The following EPHA4 variants were observed in gnomAD, a reference collection of about 807,000 sequenced individuals.
EPHA4 encodes the protein EPH receptor A4.
In EPHA4, 19 loss-of-function variants were observed where a neutral mutation model predicts 108.3. The ratio of observed to expected loss-of-function variants is 0.18; its 90% CI spans 0.12 to 0.26. The LOEUF is 0.26. EPHA4 is among the 10% of genes least tolerant of loss of function. The probability of loss-of-function intolerance (pLI) is 1.00; values close to 1 mark genes in which losing one functional copy is unlikely to be tolerated. For synonymous variants in EPHA4, 449 were observed against 455.5 expected, an observed-to-expected ratio of 0.99 and a Z score of 0.18; for missense variants, 917 against 1,254.0, an observed-to-expected ratio of 0.73 and a Z score of 4.06.
chr2:221,496,893 G>A (rs1369067959), intron 4 of EPHA4, among the ~76,000 whole-genome samples: 1 of 151,930 alleles, frequency 6.6e-6, no homozygotes, highest in Non-Finnish European at 1.5e-5. Context: ...AGGGTGACAA[G>A]AGCAAAACTC....
chr2:221,509,738 A>T (rs1225975947), intron 3 of EPHA4, among the ~76,000 whole-genome samples: 16 of 152,382 alleles, frequency 1.0e-4, no homozygotes, highest in African/African-American at 3.6e-4. Flanking sequence ...ATGTAAGTAA[A>T]GAATGACAAA....
chr2:221,433,204 C>CA (rs1251402858), intron 14 of EPHA4, among the ~76,000 whole-genome samples: 3 of 152,162 alleles, frequency 2.0e-5, no homozygotes, highest in Non-Finnish European at 4.4e-5. Flanking sequence ...CAAGGCTGTG[C>CA]AACTGCCTGT....
chr2:221,528,434 T>A (rs1693409483), intron 3 of EPHA4, among the ~76,000 whole-genome samples: 1 of 152,232 alleles, frequency 6.6e-6, no homozygotes, highest in African/African-American at 2.4e-5. Context: ...TCTCTGCTCA[T>A]GGACATAAGA....
At chr2:221,439,546 G>A (rs1690351760) in intron 11 of EPHA4, among the ~76,000 whole-genome samples, 1 of 151,182 alleles carries the variant, frequency 6.6e-6, no homozygotes, top group African/African-American at 2.4e-5. Context: ...AGAGTACAGT[G>A]ACATGATCAT....
intron 3 of EPHA4, among the ~76,000 whole-genome samples, chr2:221,538,996 C>A (rs900071730): frequency 3.3e-5 from 5 of 151,996 alleles, no homozygotes; most frequent in Non-Finnish European, 7.4e-5. Flanking sequence ...TACAGAACTG[C>A]CATATATAGT....
chr2:221,418,737 C>T lies in EPHA4; in HGVS notation c.*2635G>A, dbSNP rs563174364. On this transcript the variant is annotated 3_prime_UTR_variant, in exon 18 of 18. Transcript: ENST00000281821. ...TTTCCCACTGCTCTAGAGATCGGCACATGAGTTAGCATTGGAGCTCACTCG... is the reference window on the plus strand; with the variant it reads ...TTTCCCACTGCTCTAGAGATCGGCATATGAGTTAGCATTGGAGCTCACTCG... The T allele has an allele frequency of 3.9e-5, 6 of 152,382 alleles. No homozygotes were observed. The highest frequency in any genetic ancestry group is 8.8e-5 in the Non-Finnish European group (6 of 68,046). 9.4% of individuals were successfully genotyped at this position (152,382 alleles called of 1,614,324 possible).
intron 8 of EPHA4, among the ~76,000 whole-genome samples, chr2:221,449,507 A>G (rs1302138883): frequency 6.6e-6 from 1 of 152,236 alleles, no homozygotes; most frequent in Non-Finnish European, 1.5e-5. Flanking sequence ...AGAAGGAAAC[A>G]TGGACCCTTT....
intron 5 of EPHA4, among the ~76,000 whole-genome samples, chr2:221,462,483 GT>G (rs1241498164): frequency 6.6e-6 from 1 of 151,894 alleles, no homozygotes; most frequent in African/African-American, 2.4e-5. Context: ...GCATTCAGTG[GT>G]GCTCAATAAT....
intron 4 of EPHA4, among the ~76,000 whole-genome samples, chr2:221,485,721 TA>T (rs1691956058): frequency 6.6e-6 from 1 of 152,066 alleles, no homozygotes; most frequent in African/African-American, 2.4e-5. Context: ...AGATTACAAA[TA>T]TATAAGTGTG....
intron 3 of EPHA4, among the ~76,000 whole-genome samples, chr2:221,552,154 G>A (rs917866341): frequency 1.3e-5 from 2 of 151,892 alleles, no homozygotes; most frequent in Non-Finnish European, 2.9e-5. Flanking sequence ...CTTATGCATA[G>A]GTCTACACAA....
chr2:221,443,812 G>A (rs1023521700), intron 9 of EPHA4, among the ~76,000 whole-genome samples: 4 of 152,172 alleles, frequency 2.6e-5, no homozygotes, highest in Non-Finnish European at 5.9e-5. Flanking sequence ...CAGCTTTACT[G>A]ACTTCCTGGA....
chr2:221,537,677 C>T (rs1242412420), intron 3 of EPHA4, among the ~76,000 whole-genome samples: 1 of 152,208 alleles, frequency 6.6e-6, no homozygotes, highest in Non-Finnish European at 1.5e-5. Context: ...GTAGCCCTAG[C>T]TACTCAGGAG....
intron 5 of EPHA4, 29 bp from the exon 6 acceptor site, chr2:221,458,019 T>C (rs1251426255): frequency 1.9e-6 from 3 of 1,593,978 alleles, no homozygotes; most frequent in Non-Finnish European, 2.6e-6. Flanking sequence ...AGACAAAAGA[T>C]ATTTTCTTTA....
Position 221,436,410 on chromosome 2 carries a change from A to G in EPHA4, c.2335T>C (p.Tyr779His). Reference sequence around the variant, plus strand: ...CCGATCTTTCTTACCCTGGTGGTGTAAGCTGCTTCCGGATCATCCTCAAGC... The same window carrying G: ...CCGATCTTTCTTACCCTGGTGGTGTGAGCTGCTTCCGGATCATCCTCAAGC... ...RVLEDDPEAA[Y>H]TTRGGKIPIR... The change falls in exon 13 of 18, where the codon TAC (tyrosine) becomes CAC (histidine). Residue 779 changes from tyrosine to histidine, a missense_variant. By Grantham distance (83) the Tyr-to-His change is moderately conservative (BLOSUM62 2). Transcript: ENST00000281821. 1 of 1,614,168 alleles carries G rather than the reference A, an allele frequency of 6.2e-7. No individual in the cohort carries two copies. The highest frequency in any genetic ancestry group is 1.3e-5 in the African/African-American group (1 of 75,052).
chr2:221,429,132 G>A (rs1027736059), intron 15 of EPHA4, among the ~76,000 whole-genome samples: 1 of 152,106 alleles, frequency 6.6e-6, no homozygotes, highest in East Asian at 1.9e-4. Context: ...GAGTCACCTG[G>A]TCTATTATGC....
intron 3 of EPHA4, among the ~76,000 whole-genome samples, chr2:221,522,983 G>A (rs1018293216): frequency 2.6e-5 from 4 of 151,916 alleles, no homozygotes; most frequent in Admixed American, 6.6e-5. Flanking sequence ...AATTGGTCTC[G>A]AATTCCTGAC....
At chr2:221,501,811 C>T (rs182049440) in intron 3 of EPHA4, among the ~76,000 whole-genome samples, 32 of 152,200 alleles carry the variant, frequency 2.1e-4, no homozygotes, top group African/African-American at 6.3e-4. Context: ...GTAAAAAAGA[C>T]GAGCTTGTAA....
chr2:221,453,743 T>C (rs968209945), intron 8 of EPHA4, among the ~76,000 whole-genome samples: 2 of 152,216 alleles, frequency 1.3e-5, no homozygotes, highest in Admixed American at 1.3e-4. Context: ...ATTCATAGAT[T>C]GTGCATGAAA....
chr2:221,434,637 A>AT (rs1416443687), intron 13 of EPHA4, among the ~76,000 whole-genome samples: 3 of 152,190 alleles, frequency 2.0e-5, no homozygotes, highest in African/African-American at 4.8e-5. Context: ...CATTTGTTTG[A>AT]TTTTTTGTTG....
Sources: allele counts gnomAD v4.1 joint callset (sites outside exome capture counted in the v4.1 genomes callset), GRCh38; gene constraint gnomAD v4.1.1; transcripts MANE v1.5; gene names NCBI Gene and HGNC (gene_info 2026-07-23, HGNC 2026-07-21).